The following WDFY4 variants were observed in gnomAD, a reference collection of about 807,000 sequenced individuals.
WDFY4 encodes the protein WDFY family member 4.
A neutral mutation model predicts 351.9 loss-of-function variants in WDFY4; 169 were observed. The ratio of observed to expected loss-of-function variants is 0.48; its 90% CI spans 0.42 to 0.55. WDFY4 has a LOEUF of 0.55. Ranked by LOEUF, WDFY4 falls within the 20% of genes least tolerant of loss-of-function variation. The pLI is 0.00. For missense variants in WDFY4, 3,803 were observed against 3,935.6 expected (o/e 0.97, Z 0.90); for synonymous variants, 1,622 against 1,574.6 (o/e 1.03, Z -0.71).
intron 47 of WDFY4, among the ~76,000 whole-genome samples, chr10:48,936,222 T>A (rs1371715346): frequency 6.6e-6 from 1 of 152,080 alleles, no homozygotes; most frequent in African/African-American, 2.4e-5. Flanking sequence ...AATCATTAAA[T>A]GAGAGCTAAC....
intron 4 of WDFY4, among the ~76,000 whole-genome samples, chr10:48,721,900 G>A (rs114531860): frequency 1.6e-3 from 242 of 152,246 alleles, no homozygotes; most frequent in African/African-American, 5.6e-3. Context: ...CAGCCTGAAC[G>A]ACATTCCCTG....
chr10:48,950,492 G>A (rs1841271001), intron 51 of WDFY4, among the ~76,000 whole-genome samples: 1 of 152,154 alleles, frequency 6.6e-6, no homozygotes, highest in Non-Finnish European at 1.5e-5. Context: ...GAACACTGCT[G>A]TGCCTCCTTG....
chr10:48,758,153 A>G (rs1458507948), intron 12 of WDFY4, among the ~76,000 whole-genome samples: 1 of 152,158 alleles, frequency 6.6e-6, no homozygotes, highest in East Asian at 1.9e-4. Flanking sequence ...GTCTTCCTTC[A>G]TCTGGGAACA....
chr10:48,745,336 T>G (rs187502180), intron 12 of WDFY4, among the ~76,000 whole-genome samples: 2 of 152,316 alleles, frequency 1.3e-5, no homozygotes, highest in African/African-American at 4.8e-5. Context: ...TTCATGGCCC[T>G]CAATGTAGTC....
At chr10:48,786,969 A>G in intron 20 of WDFY4, 99 bp downstream of exon 20, 1 of 1,036,474 alleles carries the variant, frequency 9.6e-7, no homozygotes, top group Non-Finnish European at 1.4e-6. Context: ...GCTCAGCGTT[A>G]AAGTCAGTCA....
chr10:48,929,659 G>C (rs918049749), intron 47 of WDFY4, among the ~76,000 whole-genome samples: 1 of 152,186 alleles, frequency 6.6e-6, no homozygotes, highest in South Asian at 2.1e-4. Context: ...GTTCTTGCCC[G>C]GACCTTGCTC....
intron 47 of WDFY4, among the ~76,000 whole-genome samples, chr10:48,903,582 A>G (rs1219785249): frequency 2.0e-5 from 3 of 152,248 alleles, no homozygotes; most frequent in Admixed American, 6.5e-5. Flanking sequence ...AAATGCATGT[A>G]TGTGACAGAG....
intron 28 of WDFY4, among the ~76,000 whole-genome samples, chr10:48,809,031 T>C (rs1432812441): frequency 1.3e-5 from 2 of 152,250 alleles, no homozygotes; most frequent in Non-Finnish European, 2.9e-5. Flanking sequence ...TAGGTGAGTA[T>C]AGTAAAGATG....
At chr10:48,969,712 C>A (rs1452603970) in intron 56 of WDFY4, among the ~76,000 whole-genome samples, 1 of 149,034 alleles carries the variant, frequency 6.7e-6, no homozygotes, top group Non-Finnish European at 1.5e-5. Context: ...CTGCCCTCCT[C>A]CTCAGGCCCC....
intron 42 of WDFY4, among the ~76,000 whole-genome samples, chr10:48,876,605 T>A (rs1404372425): frequency 3.4e-5 from 2 of 59,514 alleles, no homozygotes; most frequent in African/African-American, 1.4e-4. Context: ...TTTTCCAAGT[T>A]TTTTTTACAA....
At chr10:48,733,464 T>G (rs957716542) in intron 9 of WDFY4, among the ~76,000 whole-genome samples, 1 of 152,188 alleles carries the variant, frequency 6.6e-6, no homozygotes, top group Non-Finnish European at 1.5e-5. Context: ...AGCTTCCCCA[T>G]GACTCAGGAA....
At chr10:48,695,791 A>G (rs963952320) in intron 1 of WDFY4, among the ~76,000 whole-genome samples, 2 of 152,058 alleles carry the variant, frequency 1.3e-5, no homozygotes, top group African/African-American at 4.8e-5. Flanking sequence ...ACCATAGCCA[A>G]ACTGTAGGGG....
chr10:48,969,902 G>A (rs1339577118), intron 56 of WDFY4, among the ~76,000 whole-genome samples: 1 of 152,156 alleles, frequency 6.6e-6, no homozygotes, highest in Non-Finnish European at 1.5e-5. Context: ...TGGTGCTCAT[G>A]GGGTCTTCCC....
At chr10:48,702,685 A>G (rs2063513369) in intron 1 of WDFY4, among the ~76,000 whole-genome samples, 1 of 152,238 alleles carries the variant, frequency 6.6e-6, no homozygotes, top group Admixed American at 6.5e-5. Context: ...AGTGATGAAC[A>G]GAGCTTCTAG....
At position 48,774,883 on chromosome 10, in the gene WDFY4, G is replaced by T. The variant is rs538379683; in HGVS notation, c.2768+211G>T. On this transcript the variant is annotated intron_variant, in intron 14 of 61. Coordinates refer to ENST00000325239, the MANE Select transcript of WDFY4 (RefSeq NM_001394531.1). ...AAAGCAGACATAGCCCCCTCTAATG[G>T]ATCACGTGGGGGCTGGAGGGGGCTC... is the stretch of plus-strand genomic sequence containing the variant. 1.3e-4 allele frequency among the ~76,000 whole-genome samples: 20 copies of T among 152,284 alleles called. No homozygotes were observed. In the East Asian group the frequency reaches 3.3e-3, roughly 25 times the overall value.
chr10:48,740,087 T>C (rs1206699510), intron 11 of WDFY4, among the ~76,000 whole-genome samples: 1 of 152,212 alleles, frequency 6.6e-6, no homozygotes, highest in Non-Finnish European at 1.5e-5. Flanking sequence ...GAAGCGCTTA[T>C]TCATTCCATT....
intron 39 of WDFY4, among the ~76,000 whole-genome samples, chr10:48,864,365 A>G (rs1232928088): frequency 6.6e-6 from 1 of 152,172 alleles, no homozygotes; most frequent in African/African-American, 2.4e-5. Context: ...TAGTTTTGGC[A>G]CCTTTGTAAA....
chr10:48,914,343 G>A lies in WDFY4; in HGVS notation c.7586+12480G>A, dbSNP rs188078887. 4,365 of 651,934 alleles carry A rather than the reference G, an allele frequency of 6.7e-3. 26 individuals carry two copies. The highest frequency in any genetic ancestry group is 8.7e-3 in the Non-Finnish European group (3,430 of 394,252). The allele number at this position is 651,934 out of a possible 1,614,324, so 40.4% of individuals were successfully genotyped here. A position where few individuals can be genotyped will look rare whatever the true frequency, so the allele number is the denominator to read the frequency against. On this transcript the variant is annotated intron_variant, in intron 47 of 61. Transcript: ENST00000325239. ...TTTAAAAAGCAAGAAAGAGGATTGC[G>A]GAGAGAAGTCAGGGCAAAGTGGACC...
In WDFY4 at chr10:48,721,374, T is replaced by G; in HGVS notation, c.456+7T>G. ...GCTCACGGGGACAGACTCGGTAAGT[T>G]TCAGACCATCAGCCTCTGCCCTGGG... On this transcript the variant is annotated splice_region_variant and intron_variant, in intron 4 of 61. Coordinates refer to ENST00000325239, the MANE Select transcript of WDFY4 (RefSeq NM_001394531.1). The G allele has an allele frequency of 6.4e-7, 1 of 1,551,482 alleles. No homozygotes were observed. The highest frequency in any genetic ancestry group is 8.7e-7 in the Non-Finnish European group (1 of 1,146,848).
Sources: gnomAD v4.1 joint callset for allele counts (sites outside exome capture counted in the v4.1 genomes callset) on GRCh38, gnomAD v4.1.1 for gene constraint, MANE v1.5 for transcripts, NCBI Gene and HGNC (gene_info 2026-07-23, HGNC 2026-07-21) for gene names.